The following VWA8 variants were observed in gnomAD, a reference collection of about 807,000 sequenced individuals.
The protein encoded by VWA8 is von Willebrand factor A domain-containing protein 8.
In VWA8, 221 loss-of-function variants were observed where a neutral mutation model predicts 241.5. The observed-to-expected ratio is 0.91, with a 90% CI of 0.82 to 1.02. VWA8 has a LOEUF of 1.02. Ranked by LOEUF, VWA8 falls within the 50% of genes least tolerant of loss-of-function variation. The pLI is 0.00. For synonymous variants in VWA8, 852 were observed against 827.1 expected, an observed-to-expected ratio of 1.03 and a Z score of -0.52; for missense variants, 2,322 against 2,328.7, an observed-to-expected ratio of 1.00 and a Z score of 0.06.
chr13:41,740,599 G>A (rs2045562774), intron 21 of VWA8, among the ~76,000 whole-genome samples: 1 of 152,104 alleles, frequency 6.6e-6, no homozygotes, highest in Non-Finnish European at 1.5e-5. Flanking sequence ...TATGAACTGT[G>A]CCAGAGTGAT....
chr13:41,644,653 T>TC (rs982749658), intron 37 of VWA8, among the ~76,000 whole-genome samples: 1 of 152,220 alleles, frequency 6.6e-6, no homozygotes, highest in Non-Finnish European at 1.5e-5. Flanking sequence ...CAAGGTGGGT[T>TC]CCCCTGAGCC....
chr13:41,840,655 G>A (rs964241305), intron 12 of VWA8, among the ~76,000 whole-genome samples: 6 of 151,682 alleles, frequency 4.0e-5, no homozygotes, highest in Admixed American at 3.9e-4. Flanking sequence ...GCTACTTGGG[G>A]AGCTGAGGCA....
intron 43 of VWA8, among the ~76,000 whole-genome samples, chr13:41,571,916 C>T (rs941806115): frequency 7.3e-5 from 11 of 150,828 alleles, no homozygotes; most frequent in Non-Finnish European, 1.2e-4. Flanking sequence ...TGTCTCTGCC[C>T]GGCCGCCCAT....
In VWA8 at chr13:41,587,515, G is replaced by C; in HGVS notation, c.5268C>G (p.Phe1756Leu). ...TATTCTTAGTTCATGTCATTACCTG[G>C]AACTTCTCCTCATAGTTCTCGAAGG... ...MEAFENYEEK[F>L]QYDIVGHSGD... The change falls in exon 42 of 45, where the codon TTC becomes TTG. Residue 1756 changes from phenylalanine (F) to leucine (L), a missense_variant. By Grantham distance (22) the Phe-to-Leu change is conservative. Transcript: ENST00000379310. 1 of 1,613,992 alleles carries C rather than the reference G, an allele frequency of 6.2e-7. No individual in the cohort carries two copies. Among genetic ancestry groups the C allele is most frequent in the Non-Finnish European group, 8.5e-7 (1 of 1,179,998 alleles).
chr13:41,638,329 C>G (rs1240597839), intron 37 of VWA8, among the ~76,000 whole-genome samples: 2 of 152,134 alleles, frequency 1.3e-5, no homozygotes, highest in African/African-American at 4.8e-5. Context: ...TTTGTAAACT[C>G]CTACCATATC....
In VWA8 at chr13:41,960,850, T is replaced by TA; in HGVS notation, c.163+2dup. The TA allele has an allele frequency of 6.6e-7, 1 of 1,517,466 alleles. No homozygotes were observed. The allele number at this position is 1,517,466 out of a possible 1,614,324, so 94.0% of individuals were successfully genotyped here. On this transcript the variant is annotated splice_region_variant and intron_variant, in intron 1 of 44. Transcript: ENST00000379310. ...GGGAGGACAGGGGCGCACCCCGAGTTACCTGTGTCGGCCCCCGAGCCGGCG... is the reference window on the plus strand; with the variant it reads ...GGGAGGACAGGGGCGCACCCCGAGTTAACCTGTGTCGGCCCCCGAGCCGGCG...
chr13:41,815,635 C>T lies in VWA8; in HGVS notation c.1947+1063G>A, dbSNP rs75481607. On this transcript the variant is annotated intron_variant, in intron 16 of 44. Coordinates refer to ENST00000379310, the MANE Select transcript of VWA8 (RefSeq NM_015058.2). ...CCTGGAGCCTCCGATGGAGTGCAGC[C>T]TTGCTGACACTTTGATTCTGGCTCA... 3.9e-5 allele frequency among the ~76,000 whole-genome samples: 6 copies of T among 152,294 alleles called. No individual in the cohort carries two copies. In the East Asian group the frequency reaches 9.6e-4, roughly 24 times the overall value.
chr13:41,870,158 T>C (rs1332632862), intron 9 of VWA8, among the ~76,000 whole-genome samples: 1 of 152,164 alleles, frequency 6.6e-6, no homozygotes, highest in Non-Finnish European at 1.5e-5. Flanking sequence ...AAGTTCTATA[T>C]TTCATACAAT....
intron 12 of VWA8, among the ~76,000 whole-genome samples, chr13:41,850,335 T>C (rs960865877): frequency 6.6e-6 from 1 of 152,190 alleles, no homozygotes; most frequent in Non-Finnish European, 1.5e-5. Context: ...TACTATAATG[T>C]AGTTCCCTGT....
intron 43 of VWA8, among the ~76,000 whole-genome samples, chr13:41,571,653 AAC>A (rs1239365093): frequency 3.3e-5 from 5 of 152,098 alleles, no homozygotes; most frequent in Non-Finnish European, 7.4e-5. Context: ...CTCAGTGCTC[AAC>A]ATTGCCCAGG....
intron 37 of VWA8, among the ~76,000 whole-genome samples, chr13:41,639,920 G>A (rs2044784663): frequency 6.6e-6 from 1 of 152,082 alleles, no homozygotes; most frequent in Non-Finnish European, 1.5e-5. Context: ...ATGTACTCCT[G>A]GAACCTAAAA....
intron 18 of VWA8, among the ~76,000 whole-genome samples, chr13:41,786,466 TCC>T (rs1869192092): frequency 6.6e-6 from 1 of 152,110 alleles, no homozygotes; most frequent in Non-Finnish European, 1.5e-5. Context: ...AGGCTCCTTA[TCC>T]CCTACATGAG....
At chr13:41,944,556 T>A (rs567986290) in intron 2 of VWA8, among the ~76,000 whole-genome samples, 10 of 152,130 alleles carry the variant, frequency 6.6e-5, no homozygotes, top group Non-Finnish European at 1.5e-4. Context: ...CAAGCGATCA[T>A]CCCACCTTAG....
At chr13:41,871,263 T>C (rs1486620837) in intron 9 of VWA8, among the ~76,000 whole-genome samples, 7 of 152,242 alleles carry the variant, frequency 4.6e-5, no homozygotes, top group Admixed American at 3.9e-4. Context: ...CTATGAATTC[T>C]TGAATTTCAA....
At position 41,718,655 on chromosome 13, in the gene VWA8, T is replaced by A. The variant is rs114309238; in HGVS notation, c.3116+936A>T. 2.4e-3 allele frequency among the ~76,000 whole-genome samples: 369 copies of A among 151,872 alleles called. 1 individual carries two copies. Among genetic ancestry groups the A allele is most frequent in the African/African-American group, 8.5e-3 (353 of 41,510 alleles). On this transcript the variant is annotated intron_variant, in intron 26 of 44. Coordinates refer to ENST00000379310, the MANE Select transcript of VWA8 (RefSeq NM_015058.2). ...TATCCTGACAAGTTTTTATAATGACTTCAAAGAATCAATAAATATGGATGA... is the reference window on the plus strand; with the variant it reads ...TATCCTGACAAGTTTTTATAATGACATCAAAGAATCAATAAATATGGATGA...
intron 9 of VWA8, among the ~76,000 whole-genome samples, chr13:41,872,809 T>C (rs897521089): frequency 3.9e-5 from 6 of 152,186 alleles, no homozygotes; most frequent in Non-Finnish European, 7.3e-5. Context: ...TGGTTCCATA[T>C]GAACTTTAAA....
chr13:41,889,532 C>T (rs981342722), intron 5 of VWA8, among the ~76,000 whole-genome samples: 1 of 152,064 alleles, frequency 6.6e-6, no homozygotes, highest in African/African-American at 2.4e-5. Context: ...GCGCATGCCA[C>T]CACGCCCAGC....
intron 30 of VWA8, among the ~76,000 whole-genome samples, chr13:41,692,493 A>ATACTC (rs2045184919): frequency 6.6e-6 from 1 of 152,076 alleles, no homozygotes; most frequent in East Asian, 1.9e-4. Context: ...ATTAGGTATC[A>ATACTC]TACTCACAGT....
At chr13:41,726,267 A>C (rs1327624868) in intron 24 of VWA8, among the ~76,000 whole-genome samples, 1 of 152,182 alleles carries the variant, frequency 6.6e-6, no homozygotes, top group East Asian at 1.9e-4. Context: ...TCTTTCTACT[A>C]TAAACAATGC....
Sources: gnomAD v4.1 joint callset for allele counts (sites outside exome capture counted in the v4.1 genomes callset) on GRCh38, gnomAD v4.1.1 for gene constraint, MANE v1.5 for transcripts, NCBI Gene and HGNC (gene_info 2026-07-23, HGNC 2026-07-21) for gene names.